Variants in NYAP2 observed in about 807,000 individuals in gnomAD.
NYAP2 encodes the protein neuronal tyrosine-phosphorylated phosphoinositide-3-kinase adapter 2.
Under a neutral mutation model 50.4 loss-of-function variants are expected in NYAP2, and 23 were observed. The observed-to-expected ratio is 0.46, with a 90% CI of 0.33 to 0.65. The LOEUF is 0.65. Among genes scored for constraint, NYAP2 ranks in the 30% least tolerant of loss-of-function variants. The pLI is 0.02. For synonymous variants in NYAP2, 394 were observed against 365.2 expected (o/e 1.08, Z -0.90); for missense variants, 885 against 861.0 (o/e 1.03, Z -0.35).
intron 3 of NYAP2, among the ~76,000 whole-genome samples, chr2:225,478,459 A>G (rs1025822716): frequency 1.1e-4 from 16 of 152,238 alleles, no homozygotes; most frequent in Admixed American, 1.0e-3. Flanking sequence ...GTTTAGTAAC[A>G]TGATAATCAA....
At chr2:225,508,036 C>A (rs577739130) in intron 3 of NYAP2, among the ~76,000 whole-genome samples, 1 of 152,266 alleles carries the variant, frequency 6.6e-6, no homozygotes, top group East Asian at 1.9e-4. Context: ...GAAAAATAAC[C>A]CTCCTTGATT....
intron 3 of NYAP2, among the ~76,000 whole-genome samples, chr2:225,466,868 G>A (rs1366111561): frequency 1.3e-5 from 2 of 152,158 alleles, no homozygotes; most frequent in Admixed American, 6.5e-5. Context: ...GCTGAGGGGG[G>A]CATAAGGCAG....
At chr2:225,576,139 G>T (rs56945007) in intron 4 of NYAP2, among the ~76,000 whole-genome samples, 5,897 of 152,274 alleles carry the variant, frequency 0.039, 403 homozygotes, top group African/African-American at 0.13. Flanking sequence ...CTGAGGCAGA[G>T]AAGGGATTAG....
chr2:225,588,526 G>C (rs1285044334), intron 5 of NYAP2, among the ~76,000 whole-genome samples: 1 of 152,116 alleles, frequency 6.6e-6, no homozygotes, highest in Non-Finnish European at 1.5e-5. Flanking sequence ...CTATGAAGGA[G>C]CTGCTCCAAC....
At chr2:225,699,061 C>T in the NYAP2 span, 1 of 151,802 alleles carries the variant, frequency 6.6e-6, no homozygotes, top group African/African-American at 2.4e-5. Context: ...TTGTTAAGAG[C>T]ATCTGTGCTT....
At chr2:225,420,523 G>A (rs987087222) in intron 3 of NYAP2, among the ~76,000 whole-genome samples, 9 of 152,126 alleles carry the variant, frequency 5.9e-5, no homozygotes, top group African/African-American at 1.7e-4. Context: ...ATTGGTTTGA[G>A]GATGTGAGTG....
chr2:225,408,736 C>G (rs1212516530), intron 2 of NYAP2, 128 bp from the exon 3 acceptor site: 2 of 578,152 alleles, frequency 3.5e-6, no homozygotes, highest in Non-Finnish European at 6.2e-6. Context: ...TGTAATTATT[C>G]TAGTGAGATA....
At chr2:225,450,910 G>A (rs142786654) in intron 3 of NYAP2, among the ~76,000 whole-genome samples, 147 of 152,154 alleles carry the variant, frequency 9.7e-4, no homozygotes, top group Non-Finnish European at 1.1e-3. Context: ...TTCCTGTGTC[G>A]GACCTAGGTT....
intron 5 of NYAP2, among the ~76,000 whole-genome samples, chr2:225,599,986 A>G (rs1244956972): frequency 6.6e-6 from 1 of 152,182 alleles, no homozygotes; most frequent in Non-Finnish European, 1.5e-5. Flanking sequence ...CCCACTGCCT[A>G]GACAGAGCCT....
At chr2:225,418,188 A>C (rs1695154857) in intron 3 of NYAP2, among the ~76,000 whole-genome samples, 2 of 152,290 alleles carry the variant, frequency 1.3e-5, no homozygotes, top group African/African-American at 4.8e-5. Context: ...AAATGTGGAG[A>C]GAAAAGGTCG....
At chr2:225,629,722 G>A (rs978651106) in intron 6 of NYAP2, among the ~76,000 whole-genome samples, 14 of 152,080 alleles carry the variant, frequency 9.2e-5, no homozygotes, top group Non-Finnish European at 1.5e-5. Flanking sequence ...AACTCAACGG[G>A]CATCTGGCTT....
intron 4 of NYAP2, among the ~76,000 whole-genome samples, chr2:225,577,634 A>G (rs1692190696): frequency 6.6e-6 from 1 of 152,138 alleles, no homozygotes; most frequent in Non-Finnish European, 1.5e-5. Flanking sequence ...TACTTGCACT[A>G]AGGTAAGACC....
chr2:225,401,804 T>C (rs959052190), intron 2 of NYAP2, among the ~76,000 whole-genome samples: 4 of 152,014 alleles, frequency 2.6e-5, no homozygotes, highest in Admixed American at 2.0e-4. Flanking sequence ...CATTGGGAAA[T>C]ACTAAAGTTC....
At chr2:225,551,146 G>A (rs1691667370) in intron 4 of NYAP2, among the ~76,000 whole-genome samples, 1 of 152,148 alleles carries the variant, frequency 6.6e-6, no homozygotes, top group Non-Finnish European at 1.5e-5. Flanking sequence ...GAAAATAGAA[G>A]AAACCTGTGA....
chr2:225,535,331 T>TG (rs1297152750), intron 4 of NYAP2, among the ~76,000 whole-genome samples: 5 of 152,158 alleles, frequency 3.3e-5, no homozygotes, highest in Non-Finnish European at 7.4e-5. Flanking sequence ...GGAAAGAAGA[T>TG]GGGTTTGGAA....
the NYAP2 span, among the ~76,000 whole-genome samples, chr2:225,669,785 TA>T: frequency 3.3e-5 from 5 of 152,296 alleles, no homozygotes; most frequent in Admixed American, 1.3e-4. Context: ...TGTTAGACTT[TA>T]AAAAGAGAAA....
At chr2:225,579,924 C>T (rs926934835) in intron 4 of NYAP2, among the ~76,000 whole-genome samples, 1 of 152,174 alleles carries the variant, frequency 6.6e-6, no homozygotes, top group African/African-American at 2.4e-5. Context: ...ATGATTATTT[C>T]TGTATGATGA....
At chr2:225,664,186 G>A in the NYAP2 span, among the ~76,000 whole-genome samples, 12 of 152,092 alleles carry the variant, frequency 7.9e-5, no homozygotes, top group African/African-American at 2.9e-4. Flanking sequence ...GATGTGCACC[G>A]GAAATTGCAA....
At chr2:225,537,904 T>G (rs926667646) in intron 4 of NYAP2, among the ~76,000 whole-genome samples, 1 of 152,186 alleles carries the variant, frequency 6.6e-6, no homozygotes, top group Non-Finnish European at 1.5e-5. Flanking sequence ...TACAGGCATT[T>G]CAAATGGGAG....
Sources: allele counts gnomAD v4.1 joint callset (sites outside exome capture counted in the v4.1 genomes callset), GRCh38; gene constraint gnomAD v4.1.1; transcripts MANE v1.5; gene names NCBI Gene and HGNC (gene_info 2026-07-23, HGNC 2026-07-21).